Variants in IRAG2 observed in about 807,000 individuals in gnomAD.
IRAG2 encodes inositol 1,4,5-triphosphate receptor associated 2, also known as lymphoid restricted membrane protein.
In IRAG2, 45 loss-of-function variants were observed where a neutral mutation model predicts 69.9. The ratio of observed to expected loss-of-function variants is 0.64; its 90% CI spans 0.51 to 0.83. The LOEUF is 0.83. Ranked by LOEUF, IRAG2 falls within the 40% of genes least tolerant of loss-of-function variation. The pLI is 0.00. For synonymous variants in IRAG2, 193 were observed against 202.4 expected (o/e 0.95, Z 0.40); for missense variants, 520 against 587.0 (o/e 0.89, Z 1.18).
At chr12:25,058,377 ATCT>A (rs760030782) in intron 1 of IRAG2, among the ~76,000 whole-genome samples, 6 of 152,172 alleles carry the variant, frequency 3.9e-5, no homozygotes, top group Non-Finnish European at 7.4e-5. Flanking sequence ...GCCATTGTAT[ATCT>A]TCTTTGTGAA....
intron 10 of IRAG2, among the ~76,000 whole-genome samples, chr12:25,030,714 A>G (rs1322741836): frequency 6.6e-6 from 1 of 152,188 alleles, no homozygotes; most frequent in East Asian, 1.9e-4. Context: ...ATATGATGTC[A>G]TGAGACTTTC....
chr12:25,002,786 C>T (rs1355212689), upstream of IRAG2, among the ~76,000 whole-genome samples: 3 of 151,962 alleles, frequency 2.0e-5, no homozygotes, highest in Non-Finnish European at 2.9e-5. Context: ...GGATTACAGT[C>T]GCCTGCCACC....
exon 14 of IRAG2, chr12:25,035,746 G>A (rs1016731346): frequency 3.3e-5 from 13 of 398,874 alleles, no homozygotes; most frequent in Non-Finnish European, 4.0e-5. Flanking sequence ...AAGAGAGCCC[G>A]CACAGAAGGC....
upstream of IRAG2, among the ~76,000 whole-genome samples, chr12:25,051,167 T>A (rs962655): frequency 0.8 from 121,685 of 151,972 alleles, 49,912 homozygotes; most frequent in South Asian, 0.9. Flanking sequence ...AAAAAGAGAG[T>A]GAGAGAGACA....
At chr12:25,017,398 T>A in intron 6 of IRAG2, 1 of 1,013,042 alleles carries the variant, frequency 9.9e-7, no homozygotes, top group Non-Finnish European at 1.3e-6. Flanking sequence ...TTCATTCTCT[T>A]AAAGTATACA....
intron 16 of IRAG2, among the ~76,000 whole-genome samples, chr12:25,042,871 G>A (rs969002262): frequency 4.6e-5 from 7 of 151,982 alleles, no homozygotes; most frequent in Admixed American, 6.6e-5. Flanking sequence ...GAAAGTGTGA[G>A]TATTAATAAA....
chr12:25,083,311 G>GTCAT (rs1947349810), intron 9 of IRAG2, 112 bp from the exon 10 acceptor site: 1 of 766,952 alleles, frequency 1.3e-6, no homozygotes. Context: ...TGTCTCATAT[G>GTCAT]TTAAGACCTT....
intron 16 of IRAG2, among the ~76,000 whole-genome samples, chr12:25,044,749 A>G (rs1944778801): frequency 6.6e-6 from 1 of 152,178 alleles, no homozygotes; most frequent in African/African-American, 2.4e-5. Flanking sequence ...TAGAGAACCT[A>G]AATATATAAA....
chr12:25,011,466 G>GTTCCAC, exon 3 of IRAG2: 4 of 1,231,668 alleles, frequency 3.2e-6, no homozygotes, highest in Non-Finnish European at 4.0e-6. Flanking sequence ...GAACATGCTT[G>GTTCCAC]ATCCTGAGAA....
chr12:25,067,139 C>T (rs1315103344), intron 5 of IRAG2, among the ~76,000 whole-genome samples: 1 of 152,150 alleles, frequency 6.6e-6, no homozygotes, highest in Non-Finnish European at 1.5e-5. Flanking sequence ...TCATAATTCT[C>T]TTTCTTTCAC....
intron 12 of IRAG2, chr12:25,033,758 T>C (rs1944686142): frequency 2.5e-6 from 1 of 395,614 alleles, no homozygotes; most frequent in Non-Finnish European, 4.5e-6. Flanking sequence ...GCACTGATTG[T>C]TTCGTGATAA....
rs71452243 is a variant in IRAG2 at position 25,077,229 on chromosome 12, GAT to G, written c.25-2006_25-2005del. ...TATATGATATATATGAAATATATAT[GAT>G]ATATATATGAAATATATATATGATA... On this transcript the variant is annotated intron_variant, in intron 6 of 21. Transcript: ENST00000556887. Among the ~76,000 whole-genome samples, 83 of 31,108 alleles carry G rather than the reference GAT, an allele frequency of 2.7e-3. 4 individuals carry two copies. Among genetic ancestry groups the G allele is most frequent in the African/African-American group, 4.5e-3 (44 of 9,824 alleles). 20.4% of individuals were successfully genotyped at this position (31,108 alleles called of 152,430 possible).
intron 1 of IRAG2, among the ~76,000 whole-genome samples, chr12:25,057,632 T>G (rs531658431): frequency 6.6e-6 from 1 of 152,308 alleles, no homozygotes; most frequent in African/African-American, 2.4e-5. Flanking sequence ...TTCTTATACT[T>G]TTAACTTCTT....
At chr12:25,107,264 GTTATA>G (rs777605366) in intron 21 of IRAG2, among the ~76,000 whole-genome samples, 2 of 152,030 alleles carry the variant, frequency 1.3e-5, no homozygotes, top group African/African-American at 2.4e-5. Flanking sequence ...TGTAATATAT[GTTATA>G]TTCTATTTTA....
At chr12:25,081,049 C>T (rs1366589255) in intron 9 of IRAG2, among the ~76,000 whole-genome samples, 2 of 152,126 alleles carry the variant, frequency 1.3e-5, no homozygotes, top group Non-Finnish European at 2.9e-5. Context: ...TATAGACATA[C>T]CTACGATAAG....
chr12:25,075,511 T>G (rs955675881), intron 6 of IRAG2, among the ~76,000 whole-genome samples: 5 of 142,920 alleles, frequency 3.5e-5, no homozygotes, highest in African/African-American at 1.3e-4. Flanking sequence ...TATTGCTGTG[T>G]GTGTGTATGC....
At chr12:25,005,198 A>T in intron 1 of IRAG2, 1 of 933,780 alleles carries the variant, frequency 1.1e-6, no homozygotes, top group Non-Finnish European at 1.4e-6. Context: ...TAATCATTAT[A>T]GCACAGAAAG....
chr12:25,082,642 CAAAA>C (rs1342340726), intron 9 of IRAG2, among the ~76,000 whole-genome samples: 2 of 151,274 alleles, frequency 1.3e-5, no homozygotes, highest in African/African-American at 2.4e-5. Flanking sequence ...CAAAACAAAA[CAAAA>C]AACCTAAAAT....
At chr12:25,047,989 C>T (rs1944811185), upstream of IRAG2, among the ~76,000 whole-genome samples, 1 of 152,124 alleles carries the variant, frequency 6.6e-6, no homozygotes, top group African/African-American at 2.4e-5. Context: ...AATGGGATTG[C>T]TGGGTCAAAT....
Sources: allele counts gnomAD v4.1 joint callset (sites outside exome capture counted in the v4.1 genomes callset), GRCh38; gene constraint gnomAD v4.1.1; transcripts MANE v1.5; gene names NCBI Gene and HGNC (gene_info 2026-07-23, HGNC 2026-07-21).